GPHN: variants seen among roughly 807,000 people sequenced by gnomAD.
The protein encoded by GPHN is gephyrin.
A neutral mutation model predicts 95.5 loss-of-function variants in GPHN; 17 were observed. That is an observed-to-expected ratio of 0.18 (90% CI 0.12 to 0.27). The LOEUF is 0.27. Among genes scored for constraint, GPHN ranks in the 10% least tolerant of loss-of-function variants. GPHN has a pLI of 1.00. For missense variants in GPHN, 660 were observed against 978.1 expected, an observed-to-expected ratio of 0.67 and a Z score of 4.34; for synonymous variants, 320 against 322.5, an observed-to-expected ratio of 0.99 and a Z score of 0.08.
chr14:67,423,404 C>G, the GPHN span, among the ~76,000 whole-genome samples: 3 of 152,140 alleles, frequency 2.0e-5, no homozygotes. Flanking sequence ...TATTTTAGGA[C>G]TCTGCTTCCC....
the GPHN span, among the ~76,000 whole-genome samples, chr14:67,400,746 G>A: frequency 1.3e-5 from 2 of 152,108 alleles, no homozygotes; most frequent in African/African-American, 4.8e-5. Flanking sequence ...CCAGCACTTC[G>A]GGAGGCCAAG....
chr14:67,695,883 T>C, the GPHN span: 2 of 600,616 alleles, frequency 3.3e-6, no homozygotes, highest in Non-Finnish European at 5.9e-6. Context: ...CCGCCAACGC[T>C]GGCAGAAGTT....
chr14:67,493,230 G>A, the GPHN span, among the ~76,000 whole-genome samples: 280 of 152,288 alleles, frequency 1.8e-3, 2 homozygotes, highest in African/African-American at 6.4e-3. Flanking sequence ...TATTCTGAAA[G>A]TAATCTTACC....
chr14:67,280,114 G>A, the GPHN span: 5 of 152,326 alleles, frequency 3.3e-5, no homozygotes, highest in African/African-American at 1.2e-4. Flanking sequence ...TGACCAAATG[G>A]ATTTTGAGAA....
the GPHN span, among the ~76,000 whole-genome samples, chr14:67,419,636 G>A: frequency 6.6e-6 from 1 of 152,144 alleles, no homozygotes; most frequent in Non-Finnish European, 1.5e-5. Flanking sequence ...GCCGAGGCGG[G>A]CGGATCATGA....
chr14:66,861,295 A>G (rs747544087), intron 4 of GPHN, among the ~76,000 whole-genome samples: 1 of 152,056 alleles, frequency 6.6e-6, no homozygotes. Flanking sequence ...ATATAATGAT[A>G]AAAGGGTGAA....
At chr14:66,947,858 G>A (rs1218599874) in intron 8 of GPHN, among the ~76,000 whole-genome samples, 1 of 152,180 alleles carries the variant, frequency 6.6e-6, no homozygotes, top group Admixed American at 6.5e-5. Flanking sequence ...GGGAGGCTGA[G>A]GTGGGAGAAT....
chr14:67,105,646 C>G (rs2077992398), intron 13 of GPHN, among the ~76,000 whole-genome samples: 1 of 151,866 alleles, frequency 6.6e-6, no homozygotes, highest in Non-Finnish European at 1.5e-5. Flanking sequence ...ATAAATGTGG[C>G]TACTTTTACC....
chr14:67,205,044 G>A, the GPHN span: 1 of 1,551,790 alleles, frequency 6.4e-7, no homozygotes, highest in African/African-American at 1.4e-5. Context: ...GAGTCACAGT[G>A]GTGTTTGAAA....
the GPHN span, chr14:67,380,689 G>C: frequency 6.3e-7 from 1 of 1,581,062 alleles, no homozygotes; most frequent in Middle Eastern, 1.7e-4. Context: ...GTTTAGATTT[G>C]AATGAAGATG....
At chr14:66,734,422 A>G (rs1000075103) in intron 2 of GPHN, among the ~76,000 whole-genome samples, 1 of 152,108 alleles carries the variant, frequency 6.6e-6, no homozygotes, top group Admixed American at 6.5e-5. Context: ...CTGTACCTAG[A>G]ATGTTTTTCT....
At chr14:66,859,427 G>A (rs1596175255) in intron 4 of GPHN, among the ~76,000 whole-genome samples, 1 of 152,220 alleles carries the variant, frequency 6.6e-6, no homozygotes, top group Admixed American at 6.5e-5. Flanking sequence ...ATCTCTGCAA[G>A]TCTGCAAGAA....
At chr14:66,945,094 GA>G (rs1157034025) in intron 8 of GPHN, among the ~76,000 whole-genome samples, 9 of 151,674 alleles carry the variant, frequency 5.9e-5, no homozygotes, top group Admixed American at 2.6e-4. Flanking sequence ...AAATGTTGTA[GA>G]AAAAAAACAC....
At chr14:67,643,534 C>CT in the GPHN span, among the ~76,000 whole-genome samples, 1 of 152,152 alleles carries the variant, frequency 6.6e-6, no homozygotes, top group African/African-American at 2.4e-5. Flanking sequence ...TATATAAGAA[C>CT]TTATCCAAGG....
At chr14:67,654,368 C>G in the GPHN span, among the ~76,000 whole-genome samples, 1 of 152,130 alleles carries the variant, frequency 6.6e-6, no homozygotes, top group Non-Finnish European at 1.5e-5. Flanking sequence ...GTTTCAAACT[C>G]CTAGGCTCAA....
the GPHN span, among the ~76,000 whole-genome samples, chr14:67,291,804 T>G: frequency 6.6e-6 from 1 of 152,204 alleles, no homozygotes; most frequent in African/African-American, 2.4e-5. Flanking sequence ...ATGGAAGATT[T>G]TTAAAAATAA....
the GPHN span, among the ~76,000 whole-genome samples, chr14:67,661,392 CAACT>C: frequency 6.6e-6 from 1 of 150,990 alleles, no homozygotes; most frequent in East Asian, 1.9e-4. Context: ...CTTTGGGTAC[CAACT>C]GAGACTCATG....
chr14:66,931,514 AT>A (rs2066798248), intron 8 of GPHN, among the ~76,000 whole-genome samples: 1 of 151,528 alleles, frequency 6.6e-6, no homozygotes. Context: ...CTTTGAGGCT[AT>A]TTTCTAGATC....
chr14:66,579,560 AC>A (rs1403221778), intron 1 of GPHN, among the ~76,000 whole-genome samples: 18 of 151,978 alleles, frequency 1.2e-4, no homozygotes, highest in African/African-American at 4.1e-4. Flanking sequence ...AGGTTGTTAT[AC>A]TTAGATGAAA....
Sources: allele counts gnomAD v4.1 joint callset (sites outside exome capture counted in the v4.1 genomes callset), GRCh38; gene constraint gnomAD v4.1.1; transcripts MANE v1.5; gene names NCBI Gene and HGNC (gene_info 2026-07-23, HGNC 2026-07-21).